Variants in DDO observed in about 807,000 individuals in gnomAD.
The protein encoded by DDO is D-aspartate oxidase, DDO.
In DDO, 16 loss-of-function variants were observed where a neutral mutation model predicts 16.8. The ratio of observed to expected loss-of-function variants is 0.95; its 90% confidence interval spans 0.65 to 1.45. The LOEUF is 1.45. DDO is among the 40% of genes most tolerant of loss of function. DDO has a pLI of 0.00. For synonymous variants in DDO, 180 were observed against 167.2 expected, an observed-to-expected ratio of 1.08 and a Z score of -0.59; for missense variants, 429 against 420.3, an observed-to-expected ratio of 1.02 and a Z score of -0.18.
chr6:110,391,488 A>G (rs910590241), downstream of DDO, among the ~76,000 whole-genome samples: 2 of 151,596 alleles, frequency 1.3e-5, no homozygotes, highest in Admixed American at 6.6e-5. Context: ...GGCACCCACC[A>G]TCATGCCCAG....
At chr6:110,404,248 A>G (rs1292822796) in intron 4 of DDO, among the ~76,000 whole-genome samples, 2 of 152,250 alleles carry the variant, frequency 1.3e-5, no homozygotes, top group African/African-American at 4.8e-5. Context: ...GGCTGAACTT[A>G]ATGAGGAAGG....
At chr6:110,395,956 C>T (rs1335040843) in intron 4 of DDO, among the ~76,000 whole-genome samples, 5 of 151,852 alleles carry the variant, frequency 3.3e-5, no homozygotes, top group Admixed American at 1.3e-4. Context: ...TCCCTTGAAC[C>T]GAGGAGGTGG....
intron 1 of DDO, 83 bp downstream of exon 1, chr6:110,415,384 C>T (rs1430944769): frequency 1.3e-6 from 2 of 1,569,330 alleles, no homozygotes; most frequent in Non-Finnish European, 1.7e-6. Flanking sequence ...CCATCACTGT[C>T]CCCTGACCCT....
intron 3 of DDO, among the ~76,000 whole-genome samples, chr6:110,407,926 C>T (rs1582488281): frequency 6.6e-6 from 1 of 152,244 alleles, no homozygotes; most frequent in Middle Eastern, 3.4e-3. Flanking sequence ...CCAAGGACAC[C>T]GAATAAATAA....
intron 4 of DDO, among the ~76,000 whole-genome samples, chr6:110,398,776 C>G (rs1386217515): frequency 3.3e-5 from 5 of 152,168 alleles, no homozygotes; most frequent in Non-Finnish European, 2.9e-5. Context: ...GAGAAAGTTA[C>G]AGAGAGGCCT....
chr6:110,398,424 A>AAACACAC (rs1562260081), intron 4 of DDO, among the ~76,000 whole-genome samples: 1 of 140,222 alleles, frequency 7.1e-6, no homozygotes, highest in Non-Finnish European at 1.5e-5. Flanking sequence ...ACACACACAC[A>AAACACAC]CACTTGGCCT....
chr6:110,413,454 T>C lies in DDO; in HGVS notation c.9A>G (p.Thr3=), dbSNP rs141792312. MD[T]ARIAVVGAGV... is the part of the protein sequence containing the mutation. ...CTGCCCCGACAACTGCAATCCGTGC[T>C]GTGTCCATGAGCCTGTGAGGAGGGA... The change falls in exon 2 of 5, where the codon ACA becomes ACG. Residue 3 remains threonine (T), a synonymous_variant. Coordinates refer to ENST00000368924, the MANE Select transcript of DDO (RefSeq NM_001372108.2). 6.0e-5 allele frequency: 96 copies of C among 1,613,412 alleles called. 1 individual carries two copies. In the African/African-American group the frequency reaches 1.2e-3, roughly 20 times the overall value.
chr6:110,413,142 C>A, intron 2 of DDO, 149 bp downstream of exon 2: 1 of 969,820 alleles, frequency 1.0e-6, no homozygotes, highest in East Asian at 2.7e-5. Flanking sequence ...GACCCTGTCT[C>A]AAAAAAAGAG....
intron 2 of DDO, among the ~76,000 whole-genome samples, chr6:110,412,693 G>A (rs1173179074): frequency 6.6e-6 from 1 of 152,218 alleles, no homozygotes; most frequent in Non-Finnish European, 1.5e-5. Flanking sequence ...CTGCTCCATC[G>A]GCTTAGGTCC....
At chr6:110,398,518 G>C (rs986062211) in intron 4 of DDO, among the ~76,000 whole-genome samples, 3 of 152,094 alleles carry the variant, frequency 2.0e-5, no homozygotes, top group African/African-American at 7.2e-5. Context: ...AAGCCATGGC[G>C]AGAAAGGAAT....
chr6:110,388,721 G>A, downstream of DDO: 1 of 863,878 alleles, frequency 1.2e-6, no homozygotes, highest in Non-Finnish European at 1.4e-6. Flanking sequence ...TCGTTCCTCT[G>A]GGTCACAGAC....
rs116692369 is a variant in DDO at position 110,411,422 on chromosome 6, A to G, written c.172+1869T>C. Among the ~76,000 whole-genome samples the G allele has an allele frequency of 9.5e-3, 1,443 of 152,322 alleles. 20 individuals carry two copies. Among genetic ancestry groups the G allele is most frequent in the African/African-American group, 0.032 (1,314 of 41,570 alleles). On this transcript the variant is annotated intron_variant, in intron 2 of 4. Transcript: ENST00000368924. ...CAATTTGGAGATGACAGATACTCAG[A>G]TACTATTCAGGGAGAAAGTTTTTAA...
chr6:110,390,201 G>T (rs1773076304), downstream of DDO, among the ~76,000 whole-genome samples: 2 of 152,188 alleles, frequency 1.3e-5, no homozygotes, highest in Non-Finnish European at 2.9e-5. Flanking sequence ...GGATAATGGT[G>T]ACGCTAGCAG....
chr6:110,402,566 GA>G (rs1205647564), intron 4 of DDO, among the ~76,000 whole-genome samples: 17 of 152,162 alleles, frequency 1.1e-4, no homozygotes, highest in Admixed American at 7.9e-4. Context: ...TTGAGAGGCT[GA>G]AACAGAAGAA....
At chr6:110,411,511 A>G (rs192316806) in intron 2 of DDO, among the ~76,000 whole-genome samples, 159 of 152,364 alleles carry the variant, frequency 1.0e-3, no homozygotes, top group African/African-American at 3.7e-3. Flanking sequence ...CACAAATAAG[A>G]TGTTATAACA....
At chr6:110,398,443 C>T (rs1773367029) in intron 4 of DDO, among the ~76,000 whole-genome samples, 1 of 149,460 alleles carries the variant, frequency 6.7e-6, no homozygotes, top group African/African-American at 2.5e-5. Flanking sequence ...CTCCCAGGAG[C>T]AGAGTCCCCT....
chr6:110,414,235 C>A (rs1773965426), intron 1 of DDO, among the ~76,000 whole-genome samples: 1 of 152,198 alleles, frequency 6.6e-6, no homozygotes, highest in African/African-American at 2.4e-5. Flanking sequence ...AAAGTTGTTT[C>A]TAATAATAAG....
chr6:110,390,878 C>T (rs1468856457), downstream of DDO, among the ~76,000 whole-genome samples: 4 of 152,186 alleles, frequency 2.6e-5, no homozygotes, highest in Non-Finnish European at 5.9e-5. Flanking sequence ...ATACTTAAAA[C>T]AGAATTCAGA....
chr6:110,400,417 G>T (rs1488690708), intron 4 of DDO, among the ~76,000 whole-genome samples: 1 of 150,700 alleles, frequency 6.6e-6, no homozygotes, highest in Non-Finnish European at 1.5e-5. Flanking sequence ...CGCTGCCCAC[G>T]AGGCAGGGCG....
Sources: allele counts gnomAD v4.1 joint callset (sites outside exome capture counted in the v4.1 genomes callset), GRCh38; gene constraint gnomAD v4.1.1; transcripts MANE v1.5; gene names NCBI Gene and HGNC (gene_info 2026-07-23, HGNC 2026-07-21).